Variants in FREM2 observed in about 807,000 individuals in gnomAD.
The protein encoded by FREM2 is FRAS1 related extracellular matrix 2.
A neutral mutation model predicts 219.9 loss-of-function variants in FREM2; 119 were observed. The ratio of observed to expected loss-of-function variants is 0.54; its 90% confidence interval spans 0.47 to 0.63. The LOEUF (loss-of-function observed/expected upper bound fraction) is 0.63, where lower values mean the gene tolerates loss of function less well. Ranked by LOEUF, FREM2 falls within the 30% of genes least tolerant of loss-of-function variation. FREM2 has a pLI of 0.00. For missense variants in FREM2, 4,030 were observed against 3,993.6 expected (o/e 1.01, Z -0.25); for synonymous variants, 1,562 against 1,522.8 (o/e 1.03, Z -0.60).
intron 6 of FREM2, among the ~76,000 whole-genome samples, chr13:38,825,145 T>G (rs1876230244): frequency 6.6e-6 from 1 of 152,154 alleles, no homozygotes; most frequent in Non-Finnish European, 1.5e-5. Context: ...TATGTTTAGC[T>G]GTCATTATTA....
rs1869662702 is a variant in FREM2, at chr13:38,689,139, G to A, written c.1795G>A (p.Val599Met). 3 of 1,613,644 alleles carry A rather than the reference G, an allele frequency of 1.9e-6. No homozygotes were observed. Among genetic ancestry groups the A allele is most frequent in the African/African-American group, 2.7e-5 (2 of 74,884 alleles). ...TTCAGATGATTCTCTGCTGCTTTTT[G>A]TGCTGGAGTCACCCTTCTTAACTAC... ...MDSDDSLLLF[V>M]LESPFLTTGH... Residue 599 changes from valine to methionine, a missense_variant, in exon 1 of 24, where the codon GTG becomes ATG. Val to Met is a conservative substitution (Grantham distance 21). Transcript: ENST00000280481.
At chr13:38,810,643 A>G (rs1179250123) in intron 6 of FREM2, among the ~76,000 whole-genome samples, 1 of 152,120 alleles carries the variant, frequency 6.6e-6, no homozygotes, top group Non-Finnish European at 1.5e-5. Flanking sequence ...ATGTTAAACC[A>G]TCCTTGCATT....
intron 18 of FREM2, 60 bp from the exon 19 acceptor site, chr13:38,875,962 G>T: frequency 6.9e-7 from 1 of 1,444,052 alleles, no homozygotes; most frequent in East Asian, 2.3e-5. Flanking sequence ...ACTCTAAACT[G>T]TTATGCACTC....
chr13:38,820,877 A>G (rs1353768657), intron 6 of FREM2, among the ~76,000 whole-genome samples: 1 of 152,162 alleles, frequency 6.6e-6, no homozygotes. Context: ...AAAATGCACT[A>G]TGCACCTATG....
At chr13:38,841,072 A>T (rs1566162285) in intron 6 of FREM2, among the ~76,000 whole-genome samples, 1 of 152,142 alleles carries the variant, frequency 6.6e-6, no homozygotes, top group Non-Finnish European at 1.5e-5. Flanking sequence ...TGTACAGCAC[A>T]ACTTTGGGGA....
chr13:38,837,778 T>C (rs143406157), intron 6 of FREM2, among the ~76,000 whole-genome samples: 67 of 149,276 alleles, frequency 4.5e-4, no homozygotes, highest in African/African-American at 1.6e-3. Context: ...TTTTTTTGTT[T>C]TGTTTTGTTT....
At chr13:38,803,528 C>T (rs1478107124) in intron 6 of FREM2, among the ~76,000 whole-genome samples, 1 of 151,918 alleles carries the variant, frequency 6.6e-6, no homozygotes, top group Non-Finnish European at 1.5e-5. Flanking sequence ...GTCTTTGGTC[C>T]TCAGTACTTC....
At chr13:38,750,716 C>T (rs905855583) in intron 2 of FREM2, among the ~76,000 whole-genome samples, 8 of 150,326 alleles carry the variant, frequency 5.3e-5, no homozygotes, top group South Asian at 4.2e-4. Flanking sequence ...TTTTTTGAGA[C>T]GAAGTCTCAC....
chr13:38,881,629 TAG>T lies in FREM2; in HGVS notation c.*845_*846del, dbSNP rs1878553179. 6.6e-6 allele frequency: 1 copy of T among 152,608 alleles called. No individual in the cohort carries two copies. Among genetic ancestry groups the T allele is most frequent in the South Asian group, 2.1e-4 (1 of 4,830 alleles). 9.5% of individuals were successfully genotyped at this position (152,608 alleles called of 1,614,324 possible). On this transcript the variant is annotated 3_prime_UTR_variant, in exon 24 of 24. Coordinates refer to ENST00000280481, the MANE Select transcript of FREM2 (RefSeq NM_207361.6). ...TGGTGATGAATAAATGCCATAGAGT[TAG>T]AGTCACTACAAGACAATGTTCTCTA... is the stretch of plus-strand genomic sequence containing the variant.
Position 38,692,165 on chromosome 13 carries a change from T to C in FREM2, c.4821T>C (p.Asp1607=). Residue 1607 remains aspartate (D), a synonymous_variant, in exon 1 of 24, where the codon GAT becomes GAC. Transcript: ENST00000280481. ...AAAACTTAATCAGCTACAAACATGA[T>C]GGCACTGAGTCAAGTGAAGATAGCT... The part of the protein sequence containing the change: ...LNENLISYKH[D]GTESSEDSFS... 2.5e-6 allele frequency: 4 copies of C among 1,614,228 alleles called. No homozygotes were observed. The highest frequency in any genetic ancestry group is 3.4e-6 in the Non-Finnish European group (4 of 1,180,042).
Position 38,687,974 on chromosome 13 carries a change from GC to G in FREM2, c.633del (p.Glu212ArgfsTer42), listed in dbSNP as rs1566102042. 6.2e-7 allele frequency: 1 copy of G among 1,612,620 alleles called. No individual in the cohort carries two copies. Among genetic ancestry groups the G allele is most frequent in the Non-Finnish European group, 8.5e-7 (1 of 1,179,290 alleles). Reference protein sequence around the residue: ...DARSLEFAFQPETEECRVGIL... With the variant: ...DARSLEFAFQXETEECRVGIL... The stretch of plus-strand genomic sequence containing the variant: ...CGCGGAGCCTGGAGTTCGCCTTCCA[GC>G]CCGAGACAGAGGAGTGCCGCGTGGG... On this transcript the variant is annotated frameshift_variant, in exon 1 of 24. Coordinates refer to ENST00000280481, the MANE Select transcript of FREM2 (RefSeq NM_207361.6). LOFTEE classifies it high-confidence loss of function.
intron 6 of FREM2, among the ~76,000 whole-genome samples, chr13:38,844,340 A>G (rs1877070441): frequency 6.6e-6 from 1 of 152,132 alleles, no homozygotes. Flanking sequence ...ACACATGCAT[A>G]TAAAACACAT....
Position 38,692,318 on chromosome 13 carries a change from C to T in FREM2, c.4974C>T (p.Ile1658=), listed in dbSNP as rs866887101. 5.0e-6 allele frequency: 8 copies of T among 1,608,248 alleles called. No individual in the cohort carries two copies. Among genetic ancestry groups the T allele is most frequent in the African/African-American group, 1.3e-5 (1 of 74,716 alleles). The change falls in exon 1 of 24, where the codon ATC becomes ATT. Residue 1658 remains isoleucine, a synonymous_variant. Coordinates refer to ENST00000280481, the MANE Select transcript of FREM2 (RefSeq NM_207361.6). ...CTGTTGACAACAGTGTCCCCCAAAT[C>T]GCAGTGAATAAGGGGGCCTCTACAC... ...VLAVDNSVPQ[I]AVNKGASTLR...
rs374177294 is a variant in FREM2, at chr13:38,690,986, T to C, written c.3642T>C (p.Asn1214=). ...MSLVIDTPIL[N]AADADVPLDD... ...TGGTAATTGATACACCCATTCTCAATGCTGCTGATGCTGATGTTCCCCTGG... is the reference window on the plus strand; with the variant it reads ...TGGTAATTGATACACCCATTCTCAACGCTGCTGATGCTGATGTTCCCCTGG... Residue 1214 remains asparagine, a synonymous_variant, in exon 1 of 24, where the codon AAT becomes AAC. Transcript: ENST00000280481. 91 of 1,614,026 alleles carry C rather than the reference T, an allele frequency of 5.6e-5. No individual in the cohort carries two copies. Among genetic ancestry groups the C allele is most frequent in the Non-Finnish European group, 7.3e-5 (86 of 1,180,000 alleles).
At chr13:38,733,389 ATAGAAG>A (rs1380133040) in intron 2 of FREM2, among the ~76,000 whole-genome samples, 3 of 151,798 alleles carry the variant, frequency 2.0e-5, no homozygotes, top group African/African-American at 7.3e-5. Context: ...GCTCAAGTGC[ATAGAAG>A]TAGAATTGAA....
chr13:38,758,827 C>A (rs1593389349), intron 2 of FREM2, among the ~76,000 whole-genome samples: 1 of 152,284 alleles, frequency 6.6e-6, no homozygotes, highest in East Asian at 1.9e-4. Context: ...TGCTAATCAC[C>A]GTCCTTGCTG....
chr13:38,787,817 A>G (rs909502981), intron 6 of FREM2, among the ~76,000 whole-genome samples: 5 of 151,496 alleles, frequency 3.3e-5, no homozygotes, highest in Admixed American at 1.3e-4. Context: ...GAATATTGCA[A>G]TTATTTTCTT....
intron 11 of FREM2, among the ~76,000 whole-genome samples, chr13:38,852,194 A>G: frequency 6.6e-6 from 1 of 152,120 alleles, no homozygotes; most frequent in East Asian, 1.9e-4. Context: ...CCACGTGTAC[A>G]CATTATTTAG....
intron 2 of FREM2, among the ~76,000 whole-genome samples, chr13:38,756,524 CTTTTTTTTTTT>C (rs1187227144): frequency 9.7e-6 from 1 of 103,522 alleles, no homozygotes; most frequent in Non-Finnish European, 2.0e-5. Context: ...GGTTGGGGAC[CTTTTTTTTTTT>C]TTTTTTTTTT....
Sources: allele counts gnomAD v4.1 joint callset (sites outside exome capture counted in the v4.1 genomes callset), GRCh38; gene constraint gnomAD v4.1.1; transcripts MANE v1.5; gene names NCBI Gene and HGNC (gene_info 2026-07-23, HGNC 2026-07-21).